Variants in WARS1 observed in about 807,000 individuals in gnomAD.
WARS1 encodes the protein tryptophanyl-tRNA synthetase 1.
A neutral mutation model predicts 47.8 loss-of-function variants in WARS1; 17 were observed. The observed-to-expected ratio is 0.36, with a 90% CI of 0.24 to 0.53. The LOEUF (loss-of-function observed/expected upper bound fraction) is 0.53. Ranked by LOEUF, WARS1 falls within the 20% of genes least tolerant of loss-of-function variation. WARS1 has a pLI of 0.91. For missense variants in WARS1, 434 were observed against 608.0 expected, an observed-to-expected ratio of 0.71 and a Z score of 3.01; for synonymous variants, 208 against 228.1, an observed-to-expected ratio of 0.91 and a Z score of 0.79.
upstream of WARS1, chr14:100,375,714 G>A: frequency 6.6e-6 from 1 of 152,190 alleles, no homozygotes; most frequent in Middle Eastern, 3.2e-3. Flanking sequence ...GTCGTGGGCG[G>A]TGGAAAGAGA....
intron 3 of WARS1, among the ~76,000 whole-genome samples, chr14:100,360,996 GGT>G (rs1491215237): frequency 6.6e-6 from 1 of 151,022 alleles, no homozygotes; most frequent in African/African-American, 2.4e-5. Context: ...TATATAAATA[GGT>G]ATATATATAT....
At chr14:100,363,919 C>A (rs1410295129) in intron 2 of WARS1, among the ~76,000 whole-genome samples, 1 of 152,028 alleles carries the variant, frequency 6.6e-6, no homozygotes, top group Non-Finnish European at 1.5e-5. Context: ...AGCCACGGAG[C>A]CTCGCCAAAA....
intron 9 of WARS1, among the ~76,000 whole-genome samples, chr14:100,339,357 C>T (rs1403495832): frequency 3.9e-5 from 6 of 152,036 alleles, no homozygotes; most frequent in Non-Finnish European, 7.4e-5. Context: ...TTTGGGAGGC[C>T]AAGGCGGGCA....
At chr14:100,371,276 C>T (rs543097656) in intron 1 of WARS1, among the ~76,000 whole-genome samples, 4 of 150,576 alleles carry the variant, frequency 2.7e-5, no homozygotes, top group South Asian at 2.1e-4. Flanking sequence ...GGTGAAACCC[C>T]GTCTCAACTA....
intron 3 of WARS1, among the ~76,000 whole-genome samples, chr14:100,361,439 T>G (rs1895655972): frequency 6.6e-6 from 1 of 152,250 alleles, no homozygotes; most frequent in Admixed American, 6.5e-5. Context: ...TCCCAAGTTC[T>G]GAAGTGCTCA....
chr14:100,351,686 G>A (rs1445027816), intron 6 of WARS1, among the ~76,000 whole-genome samples: 1 of 151,876 alleles, frequency 6.6e-6, no homozygotes, highest in Non-Finnish European at 1.5e-5. Context: ...TGAACCAAGA[G>A]AAGTAATTTT....
chr14:100,373,824 T>TTGTG lies in WARS1; in HGVS notation c.-74+1455_-74+1458dup, dbSNP rs59475595. 2.8e-4 allele frequency among the ~76,000 whole-genome samples: 41 copies of TTGTG among 148,156 alleles called. No individual in the cohort carries two copies. The highest frequency in any genetic ancestry group is 8.7e-4 in the African/African-American group (35 of 40,208). On this transcript the variant is annotated intron_variant, in intron 1 of 10. Transcript: ENST00000392882. The surrounding 1 kb of genome is among the most constrained non-coding windows in gnomAD (Gnocchi z 4.4). ...GGGAATCATCCACACTATTGAAATC[T>TTGTG]TGTGTGTGTGTGTGTGTGTGTGTGT...
chr14:100,368,005 G>C (rs1896112022), intron 2 of WARS1, among the ~76,000 whole-genome samples: 1 of 152,182 alleles, frequency 6.6e-6, no homozygotes. Context: ...CCAATCGACA[G>C]GGGTGAAAGA....
In WARS1 at chr14:100,369,238, T is replaced by G. The variant is rs1320861849; in HGVS notation, c.-53A>C. On this transcript the variant is annotated 5_prime_UTR_variant, in exon 2 of 11. Transcript: ENST00000392882. ...ACAGCCGGCCTGAGGTCAGAGGATT[T>G]GTTCAGCAGACGAGTCAAGACTGGG... The G allele has an allele frequency of 7.8e-6, 10 of 1,283,472 alleles. 1 individual carries two copies. In the Admixed American group the frequency reaches 2.3e-4, roughly 29 times the overall value. 79.5% of individuals were successfully genotyped at this position (1,283,472 alleles called of 1,614,324 possible). A position where few individuals can be genotyped will look rare whatever the true frequency, so the allele number is the denominator to read the frequency against.
chr14:100,345,016 GC>G (rs1381866883), intron 7 of WARS1, among the ~76,000 whole-genome samples: 1 of 147,876 alleles, frequency 6.8e-6, no homozygotes, highest in East Asian at 2.0e-4. Flanking sequence ...TCAGCCCCCC[GC>G]CCGGCCAGCC....
intron 6 of WARS1, among the ~76,000 whole-genome samples, chr14:100,350,243 T>G (rs1409281524): frequency 6.6e-6 from 1 of 151,632 alleles, no homozygotes; most frequent in African/African-American, 2.4e-5. Flanking sequence ...AATACAAAAA[T>G]TAGCTGGGTG....
chr14:100,351,950 G>A (rs1263158687), intron 6 of WARS1, among the ~76,000 whole-genome samples: 1 of 150,546 alleles, frequency 6.6e-6, no homozygotes, highest in East Asian at 2.0e-4. Context: ...CCGAGATTGT[G>A]CCACTGCACT....
chr14:100,371,447 C>CAAAAAAAAAAAAAAAAATAAAAAA (rs1896341672), intron 1 of WARS1, among the ~76,000 whole-genome samples: 1 of 89,102 alleles, frequency 1.1e-5, no homozygotes, highest in Non-Finnish European at 2.9e-5. Flanking sequence ...GGTTCTGTCT[C>CAAAAAAAAAAAAAAAAATAAAAAA]AAAAAAAAAA....
intron 3 of WARS1, among the ~76,000 whole-genome samples, chr14:100,361,051 T>C (rs898037827): frequency 1.3e-5 from 2 of 152,208 alleles, no homozygotes; most frequent in African/African-American, 4.8e-5. Context: ...TTGACAACCA[T>C]GATTTCTCAC....
chr14:100,343,524 AAAG>A, intron 7 of WARS1, 137 bp from the exon 8 acceptor site: 2 of 612,548 alleles, frequency 3.3e-6, no homozygotes, highest in Non-Finnish European at 5.5e-6. Flanking sequence ...AGAAAAGTAG[AAAG>A]AACAAGCTGT....
Position 100,346,733 on chromosome 14 carries a change from G to C in WARS1, c.826+13C>G, listed in dbSNP as rs1345520508. 1.2e-6 allele frequency: 2 copies of C among 1,605,554 alleles called. No homozygotes were observed. Among genetic ancestry groups the C allele is most frequent in the African/African-American group, 2.7e-5 (2 of 74,924 alleles). ...GTGCAGGGAGTGGTCCACAGCAGCAGTGGGCCTCTTACCAATGCAGTCGCT... is the reference window on the plus strand; with the variant it reads ...GTGCAGGGAGTGGTCCACAGCAGCACTGGGCCTCTTACCAATGCAGTCGCT... On this transcript the variant is annotated intron_variant, in intron 7 of 10. Coordinates refer to ENST00000392882, the MANE Select transcript of WARS1 (RefSeq NM_004184.4).
At chr14:100,371,496 T>C (rs1200268020) in intron 1 of WARS1, among the ~76,000 whole-genome samples, 1 of 140,970 alleles carries the variant, frequency 7.1e-6, no homozygotes, top group Non-Finnish European at 1.6e-5. Context: ...CTCATGCCTG[T>C]AATCCCAGCA....
Position 100,360,605 on chromosome 14 carries a change from G to C in WARS1, c.371C>G (p.Thr124Ser). ...CAGGAAGTGGTGTGGTCTTTGGCCG[G>C]TGGCTCTCTCTATTCGGTTTATTAG... Reference protein sequence around the residue: ...KELINRIERATGQRPHHFLRR... With the variant: ...KELINRIERASGQRPHHFLRR... Residue 124 changes from threonine (T) to serine (S), a missense_variant, in exon 4 of 11, where the codon ACC (threonine) becomes AGC (serine). Transcript: ENST00000392882. 1 of 1,613,840 alleles carries C rather than the reference G, an allele frequency of 6.2e-7. No individual in the cohort carries two copies. The highest frequency in any genetic ancestry group is 8.5e-7 in the Non-Finnish European group (1 of 1,179,764).
intron 2 of WARS1, chr14:100,365,945 C>G (rs2146105): frequency 0.78 from 350,490 of 448,120 alleles, 138,208 homozygotes; most frequent in East Asian, 0.87. Flanking sequence ...AGTGACCTTG[C>G]GCACTTACAG....
Sources: gnomAD v4.1 joint callset for allele counts (sites outside exome capture counted in the v4.1 genomes callset) on GRCh38, gnomAD v4.1.1 for gene constraint, Gnocchi (gnomAD v3.1) non-coding constraint, MANE v1.5 for transcripts, NCBI Gene and HGNC (gene_info 2026-07-23, HGNC 2026-07-21) for gene names.